The following RCOR3 variants were observed in gnomAD, a reference collection of about 807,000 sequenced individuals.
RCOR3 encodes REST corepressor 3.
In RCOR3, 13 loss-of-function variants were observed where a neutral mutation model predicts 64.1. The observed-to-expected ratio is 0.20, with a 90% confidence interval of 0.13 to 0.32. RCOR3 has a LOEUF of 0.32. RCOR3 is among the 10% of genes least tolerant of loss of function. RCOR3 has a pLI of 1.00. For synonymous variants in RCOR3, 215 were observed against 239.0 expected (o/e 0.90, Z 0.93); for missense variants, 489 against 701.2 (o/e 0.70, Z 3.42).
chr1:211,287,230 C>T (rs989181370), intron 7 of RCOR3, among the ~76,000 whole-genome samples: 1 of 152,118 alleles, frequency 6.6e-6, no homozygotes, highest in Non-Finnish European at 1.5e-5. Context: ...CATTAATCAC[C>T]CCCTCCCTCT....
At chr1:211,263,016 TC>T (rs1219399298) in intron 2 of RCOR3, among the ~76,000 whole-genome samples, 2 of 92,168 alleles carry the variant, frequency 2.2e-5, no homozygotes, top group African/African-American at 8.0e-5. Flanking sequence ...ATGTTATCCC[TC>T]CCCCCTGCCC....
intron 2 of RCOR3, among the ~76,000 whole-genome samples, chr1:211,270,602 AATG>A (rs1696013803): frequency 6.6e-6 from 1 of 151,684 alleles, no homozygotes; most frequent in Non-Finnish European, 1.5e-5. Flanking sequence ...TTGAATTTTT[AATG>A]ATGATCTCTA....
intron 3 of RCOR3, 92 bp downstream of exon 3, chr1:211,271,401 C>G: frequency 1.1e-6 from 1 of 932,726 alleles, no homozygotes; most frequent in South Asian, 1.5e-5. Flanking sequence ...CTTATAGATT[C>G]TCATAAGAAA....
intron 10 of RCOR3, among the ~76,000 whole-genome samples, chr1:211,309,383 T>C (rs1701263691): frequency 6.6e-6 from 1 of 152,236 alleles, no homozygotes; most frequent in African/African-American, 2.4e-5. Context: ...TCATAAAATG[T>C]AATGATAACA....
At chr1:211,264,442 G>A (rs1172750025) in intron 2 of RCOR3, among the ~76,000 whole-genome samples, 2 of 152,200 alleles carry the variant, frequency 1.3e-5, no homozygotes, top group African/African-American at 4.8e-5. Flanking sequence ...AGCTCTTTGG[G>A]AGGCTGAGGT....
chr1:211,309,400 C>A (rs1701266116), intron 10 of RCOR3, among the ~76,000 whole-genome samples: 1 of 152,120 alleles, frequency 6.6e-6, no homozygotes, highest in Admixed American at 6.5e-5. Flanking sequence ...AACAGAATAT[C>A]CTAATGACTT....
intron 4 of RCOR3, among the ~76,000 whole-genome samples, chr1:211,275,701 A>G (rs997886394): frequency 2.0e-5 from 3 of 152,212 alleles, no homozygotes; most frequent in East Asian, 1.9e-4. Flanking sequence ...TAATAATTCT[A>G]TTTATATGTT....
chr1:211,268,182 A>T (rs1209058715), intron 2 of RCOR3, among the ~76,000 whole-genome samples: 1 of 152,062 alleles, frequency 6.6e-6, no homozygotes, highest in Admixed American at 6.5e-5. Flanking sequence ...TAGGATATTC[A>T]CTTTATATAA....
chr1:211,311,544 TTGAG>T (rs1198664048), intron 10 of RCOR3, among the ~76,000 whole-genome samples: 1 of 152,172 alleles, frequency 6.6e-6, no homozygotes, highest in Non-Finnish European at 1.5e-5. Context: ...TTTAGGGTAA[TTGAG>T]TATTTCATAT....
intron 2 of RCOR3, among the ~76,000 whole-genome samples, chr1:211,264,275 G>T (rs1694838557): frequency 6.6e-6 from 1 of 152,154 alleles, no homozygotes; most frequent in Non-Finnish European, 1.5e-5. Context: ...AATTCCTTGG[G>T]TGCTGAGACT....
rs112767872 is a variant in RCOR3 at position 211,270,517 on chromosome 1, T to A, written c.224-715T>A. On this transcript the variant is annotated intron_variant, in intron 2 of 11. Transcript: ENST00000419091. ...AAAGCAGACAAAAGTGTTTAAAAAT[T>A]ACAGCAATCTTGGCCCATTTAGACA... is the stretch of plus-strand genomic sequence containing the variant. Among the ~76,000 whole-genome samples the A allele has an allele frequency of 3.8e-3, 562 of 148,664 alleles. 3 individuals are homozygous for A. The highest frequency in any genetic ancestry group is 6.8e-3 in the Middle Eastern group (2 of 294).
chr1:211,261,456 C>T (rs1694260501), intron 2 of RCOR3, among the ~76,000 whole-genome samples: 1 of 152,154 alleles, frequency 6.6e-6, no homozygotes, highest in South Asian at 2.1e-4. Context: ...GCTGGGAATA[C>T]ATTTTATTCA....
At chr1:211,266,180 A>G (rs1276612776) in intron 2 of RCOR3, among the ~76,000 whole-genome samples, 1 of 152,208 alleles carries the variant, frequency 6.6e-6, no homozygotes, top group Non-Finnish European at 1.5e-5. Context: ...GTTAGTACAT[A>G]TTAAGTATAT....
chr1:211,271,250 A>G lies in RCOR3; in HGVS notation c.242A>G (p.Asp81Gly). 1 of 1,613,758 alleles carries G rather than the reference A, an allele frequency of 6.2e-7. No homozygotes were observed. Among genetic ancestry groups the G allele is most frequent in the Non-Finnish European group, 8.5e-7 (1 of 1,179,728 alleles). Residue 81 changes from aspartate (D) to glycine (G), a missense_variant, in exon 3 of 12, where the codon GAT becomes GGT. Physicochemically the swap from Asp to Gly is moderately conservative, Grantham distance 94. This residue lies in a region of RCOR3 where 402 missense variants were observed against 617.0 expected (regional missense o/e 0.65). Transcript: ENST00000419091. ...EFDPGATKYT[D>G]KDNGGMLVWS... is the part of the protein sequence containing the mutation. ...CCCCCAGGTGCTACAAAGTACACAG[A>G]TAAAGACAATGGAGGGATGCTTGTA...
chr1:211,295,520 TTA>T lies in RCOR3; in HGVS notation c.940-155_940-154del. Among the ~76,000 whole-genome samples, 4 of 152,330 alleles carry T rather than the reference TTA, an allele frequency of 2.6e-5. No homozygotes were observed. In the South Asian group the frequency reaches 8.3e-4, roughly 32 times the overall value. ...TTAGTTCATACATGTATAAGTTGAA[TTA>T]GTGGCATGTCATACCCCAAGTGTGA... On this transcript the variant is annotated intron_variant, in intron 8 of 11. Coordinates refer to ENST00000419091, the MANE Select transcript of RCOR3 (RefSeq NM_001136223.3).
At position 211,298,256 on chromosome 1, in the gene RCOR3, G is replaced by A. The variant is rs6695573; in HGVS notation, c.1017+2503G>A. 7.7e-3 allele frequency among the ~76,000 whole-genome samples: 1,166 copies of A among 152,288 alleles called. 18 individuals carry two copies. The highest frequency in any genetic ancestry group is 0.026 in the African/African-American group (1,091 of 41,562). ...GCAAAGTATACAGGGAAACAAGTGG[G>A]CATTATTCATTCTGGCAAGGACAGT... On this transcript the variant is annotated intron_variant, in intron 9 of 11. Coordinates refer to ENST00000419091, the MANE Select transcript of RCOR3 (RefSeq NM_001136223.3).
chr1:211,265,183 T>A (rs1694974124), intron 2 of RCOR3, among the ~76,000 whole-genome samples: 1 of 152,238 alleles, frequency 6.6e-6, no homozygotes, highest in Non-Finnish European at 1.5e-5. Flanking sequence ...GTTTAAATAG[T>A]TGAAAAATAT....
rs551001222 is a variant in RCOR3, at chr1:211,279,016, G to A, written c.642-222G>A. On this transcript the variant is annotated intron_variant, in intron 6 of 11. Transcript: ENST00000419091. ...AGCCTGGCCAACATGGTGAAACCCC[G>A]TCTCTACTAAAAATATAAAAATTAG... 1.6e-3 allele frequency among the ~76,000 whole-genome samples: 247 copies of A among 151,988 alleles called. 1 individual carries two copies. The highest frequency in any genetic ancestry group is 2.2e-3 in the African/African-American group (91 of 41,466).
At chr1:211,278,618 C>T (rs1697342042) in intron 6 of RCOR3, among the ~76,000 whole-genome samples, 1 of 152,018 alleles carries the variant, frequency 6.6e-6, no homozygotes, top group African/African-American at 2.4e-5. Context: ...CTTTATTCTC[C>T]AATGAAATTT....
Sources: gnomAD v4.1 joint callset for allele counts (sites outside exome capture counted in the v4.1 genomes callset) on GRCh38, gnomAD v4.1.1 for gene constraint, gnomAD v4.1.1 regional missense constraint, MANE v1.5 for transcripts, NCBI Gene and HGNC (gene_info 2026-07-23, HGNC 2026-07-21) for gene names.